PVT1: variants seen among roughly 807,000 people sequenced by gnomAD.
PVT1 encodes the protein CXCR4/PVT1 fusion.
chr8:127,899,069 C>A (rs1350112791), intron 3 of PVT1, among the ~76,000 whole-genome samples: 1 of 152,222 alleles, frequency 6.6e-6, no homozygotes, highest in Non-Finnish European at 1.5e-5. Context: ...GGCTGGCCCC[C>A]AGCTCTCAGC....
intron 4 of PVT1, among the ~76,000 whole-genome samples, chr8:128,004,585 T>C (rs992481290): frequency 6.6e-6 from 1 of 152,164 alleles, no homozygotes. Context: ...GCTGTAGAGA[T>C]GAAATGAGAT....
chr8:127,873,496 A>G lies in PVT1; in HGVS notation n.373-17093A>G, dbSNP rs1815373912. ...CGTATTGAGCTAGTAGGTGGTATCA[A>G]TAGTAGCTAATATCTATTTCATGTT... On this transcript the variant is annotated intron_variant and non_coding_transcript_variant, in intron 2 of 10. Transcript: ENST00000651587. Among the ~76,000 whole-genome samples, 3 of 152,180 alleles carry G rather than the reference A, an allele frequency of 2.0e-5. 1 individual carries two copies. Among genetic ancestry groups the G allele is most frequent in the Admixed American group, 1.3e-4 (2 of 15,272 alleles).
At chr8:127,906,824 TC>T (rs1368969702) in intron 3 of PVT1, among the ~76,000 whole-genome samples, 1 of 152,188 alleles carries the variant, frequency 6.6e-6, no homozygotes, top group Non-Finnish European at 1.5e-5. Context: ...TAAATATTTC[TC>T]TCAGCAACCC....
chr8:127,999,526 A>G (rs1029529890), intron 4 of PVT1, among the ~76,000 whole-genome samples: 4 of 150,036 alleles, frequency 2.7e-5, no homozygotes, highest in Admixed American at 2.7e-4. Flanking sequence ...CAGTGGTGTG[A>G]TCTCGTCTCA....
intron 2 of PVT1, among the ~76,000 whole-genome samples, chr8:127,846,141 G>A (rs986360026): frequency 1.3e-5 from 2 of 152,216 alleles, no homozygotes; most frequent in South Asian, 2.1e-4. Flanking sequence ...GGTGACTGGA[G>A]CTTTAAGAGC....
At chr8:127,858,805 CTTTTTTTTTTTTTT>C (rs35886687) in intron 2 of PVT1, among the ~76,000 whole-genome samples, 2 of 47,324 alleles carry the variant, frequency 4.2e-5, no homozygotes, top group Admixed American at 5.3e-4. Flanking sequence ...CTTGAAGATT[CTTTTTTTTTTTTTT>C]TTTTTTTTTT....
At chr8:127,904,835 A>C (rs1439035200) in intron 3 of PVT1, among the ~76,000 whole-genome samples, 3 of 152,208 alleles carry the variant, frequency 2.0e-5, no homozygotes, top group Non-Finnish European at 4.4e-5. Flanking sequence ...TCTCTTGTGT[A>C]AAAATTAGGA....
At chr8:127,813,888 T>A (rs1814631207) in intron 2 of PVT1, among the ~76,000 whole-genome samples, 1 of 152,142 alleles carries the variant, frequency 6.6e-6, no homozygotes, top group Non-Finnish European at 1.5e-5. Flanking sequence ...GTTCAAGCAA[T>A]TCTTCTGCCT....
At chr8:127,954,772 G>A (rs1435185367) in intron 3 of PVT1, among the ~76,000 whole-genome samples, 2 of 152,172 alleles carry the variant, frequency 1.3e-5, no homozygotes, top group East Asian at 3.9e-4. Context: ...ATGAAGCAAT[G>A]ACTGAGCTGC....
At chr8:128,080,570 T>C (rs1478231627) in intron 5 of PVT1, among the ~76,000 whole-genome samples, 1 of 152,240 alleles carries the variant, frequency 6.6e-6, no homozygotes, top group Admixed American at 6.5e-5. Context: ...CATTTCCCTA[T>C]TCTTGAGATT....
intron 2 of PVT1, among the ~76,000 whole-genome samples, chr8:127,881,938 C>G (rs1470711916): frequency 6.6e-6 from 1 of 152,156 alleles, no homozygotes; most frequent in Admixed American, 6.5e-5. Flanking sequence ...TATGGTTTCA[C>G]CATGTTGTCC....
intron 3 of PVT1, among the ~76,000 whole-genome samples, chr8:127,910,083 C>T (rs1276134758): frequency 6.6e-6 from 1 of 152,056 alleles, no homozygotes; most frequent in Non-Finnish European, 1.5e-5. Flanking sequence ...GGAAGGGCCT[C>T]TGCACACCAC....
chr8:128,081,267 C>A (rs1410035889), intron 5 of PVT1, among the ~76,000 whole-genome samples: 1 of 152,178 alleles, frequency 6.6e-6, no homozygotes, highest in Non-Finnish European at 1.5e-5. Context: ...TTTTGACATA[C>A]CACAGATTGT....
chr8:127,883,937 G>A (rs1310465268), intron 2 of PVT1, among the ~76,000 whole-genome samples: 4 of 152,216 alleles, frequency 2.6e-5, no homozygotes, highest in East Asian at 3.9e-4. Flanking sequence ...GCCTTGAAGG[G>A]GTGTTCTGAT....
At chr8:128,067,235 A>C (rs1813921694) in intron 4 of PVT1, among the ~76,000 whole-genome samples, 4 of 152,186 alleles carry the variant, frequency 2.6e-5, no homozygotes, top group Admixed American at 2.0e-4. Flanking sequence ...TGGGTTTTGC[A>C]ATTTCTCACT....
chr8:127,851,022 A>AAT (rs1309677089), intron 2 of PVT1, among the ~76,000 whole-genome samples: 3 of 151,528 alleles, frequency 2.0e-5, no homozygotes, highest in Admixed American at 6.6e-5. Context: ...AAAAAATTAA[A>AAT]AAAAAATAAA....
intron 5 of PVT1, among the ~76,000 whole-genome samples, chr8:128,086,940 A>C: frequency 6.6e-6 from 1 of 152,250 alleles, no homozygotes; most frequent in East Asian, 1.9e-4. Context: ...TATGATTTAC[A>C]GCTATGTCCT....
At chr8:127,905,684 T>C (rs1211884319) in intron 3 of PVT1, among the ~76,000 whole-genome samples, 1 of 152,342 alleles carries the variant, frequency 6.6e-6, no homozygotes, top group Non-Finnish European at 1.5e-5. Flanking sequence ...TACATGACTT[T>C]CACCTCATTT....
intron 4 of PVT1, among the ~76,000 whole-genome samples, chr8:128,025,950 C>T (rs1012276708): frequency 6.9e-6 from 1 of 145,920 alleles, no homozygotes; most frequent in Non-Finnish European, 1.5e-5. Flanking sequence ...AATCCAGCCT[C>T]CTTTTTTTTT....
Sources: allele counts gnomAD v4.1 joint callset (sites outside exome capture counted in the v4.1 genomes callset), GRCh38; gene constraint gnomAD v4.1.1; transcripts MANE v1.5; gene names NCBI Gene and HGNC (gene_info 2026-07-23, HGNC 2026-07-21).